TBC1D8: variants seen among roughly 807,000 people sequenced by gnomAD.
The protein encoded by TBC1D8 is BUB2-like protein 1.
In TBC1D8, 65 loss-of-function variants were observed where a neutral mutation model predicts 118.8. The ratio of observed to expected loss-of-function variants is 0.55; its 90% CI spans 0.45 to 0.67. The LOEUF is 0.67. Among genes scored for constraint, TBC1D8 ranks in the 30% least tolerant of loss-of-function variants. The pLI is 0.00. For synonymous variants in TBC1D8, 566 were observed against 595.8 expected (o/e 0.95, Z 0.73); for missense variants, 1,376 against 1,471.2 (o/e 0.94, Z 1.06).
rs187234561 is a variant in TBC1D8 at position 101,023,269 on chromosome 2, C to T, written c.2521-748G>A. Among the ~76,000 whole-genome samples the T allele has an allele frequency of 1.4e-3, 216 of 151,936 alleles. 1 individual carries two copies. The highest frequency in any genetic ancestry group is 5.0e-3 in the African/African-American group (206 of 41,510). On this transcript the variant is annotated intron_variant, in intron 15 of 19. Transcript: ENST00000409318. ...AAACCAGTCTCATGCCTCAGCCTCC[C>T]GAGTAGCTGGGATTACAGGTGCCCG...
At chr2:101,076,014 G>C (rs910483073) in intron 2 of TBC1D8, among the ~76,000 whole-genome samples, 3 of 152,102 alleles carry the variant, frequency 2.0e-5, no homozygotes, top group African/African-American at 7.2e-5. Context: ...AAGGGAGAGA[G>C]AAAAAGAAAA....
intron 5 of TBC1D8, among the ~76,000 whole-genome samples, chr2:101,048,884 T>C (rs1020003419): frequency 6.6e-6 from 1 of 152,240 alleles, no homozygotes; most frequent in Non-Finnish European, 1.5e-5. Context: ...TCACAACTTA[T>C]TTCACTCAAT....
At chr2:101,048,679 C>T (rs1681858712) in intron 5 of TBC1D8, among the ~76,000 whole-genome samples, 1 of 151,980 alleles carries the variant, frequency 6.6e-6, no homozygotes, top group Non-Finnish European at 1.5e-5. Flanking sequence ...GACACTCTCT[C>T]CCCCACACAT....
In TBC1D8 at chr2:101,067,431, G is replaced by A. The variant is rs979895413; in HGVS notation, c.284-7892C>T. ...ACAGGCATACCTTGGAGATAGTGTGGGTTTGGTTCTAGACCACCACGATAA... is the reference window on the plus strand; with the variant it reads ...ACAGGCATACCTTGGAGATAGTGTGAGTTTGGTTCTAGACCACCACGATAA... On this transcript the variant is annotated intron_variant, in intron 2 of 19. Coordinates refer to ENST00000409318, the MANE Select transcript of TBC1D8 (RefSeq NM_001330348.2). 2.0e-5 allele frequency among the ~76,000 whole-genome samples: 3 copies of A among 152,106 alleles called. 1 individual carries two copies. Among genetic ancestry groups the A allele is most frequent in the African/African-American group, 7.2e-5 (3 of 41,412 alleles).
chr2:101,055,995 C>T (rs1682400629), intron 3 of TBC1D8, among the ~76,000 whole-genome samples: 1 of 151,478 alleles, frequency 6.6e-6, no homozygotes, highest in Non-Finnish European at 1.5e-5. Context: ...TAAAAATACA[C>T]ACATATATAT....
rs139544922 is a variant in TBC1D8 at position 101,049,139 on chromosome 2, A to G, written c.872+1262T>C. 2.1e-3 allele frequency among the ~76,000 whole-genome samples: 327 copies of G among 152,336 alleles called. 3 individuals are homozygous for G. Among genetic ancestry groups the G allele is most frequent in the Middle Eastern group, 6.8e-3 (2 of 294 alleles). On this transcript the variant is annotated intron_variant, in intron 5 of 19. Transcript: ENST00000409318. ...ATACCCAGAAATGGAATTGCTGGAC[A>G]CTAGGATAATTCTGCTTTTAATTAC...
At chr2:101,104,499 C>T (rs1391594770) in intron 1 of TBC1D8, among the ~76,000 whole-genome samples, 2 of 152,164 alleles carry the variant, frequency 1.3e-5, no homozygotes, top group Non-Finnish European at 2.9e-5. Flanking sequence ...TGTGGTGGTA[C>T]TGGTAATAGA....
In TBC1D8 at chr2:101,120,647, A is replaced by C. The variant is rs527997651; in HGVS notation, c.128-30283T>G. Among the ~76,000 whole-genome samples, 4 of 152,372 alleles carry C rather than the reference A, an allele frequency of 2.6e-5. No homozygotes were observed. The South Asian group carries it at 8.3e-4, about 32-fold the overall frequency. ...TGTCATTCATCAAAAAGCTAAATGC[A>C]AAAGGATACAAGGCCCATGCAAAGA... is the stretch of plus-strand genomic sequence containing the variant. On this transcript the variant is annotated intron_variant, in intron 1 of 19. Transcript: ENST00000409318.
chr2:101,116,194 T>C (rs17025284), intron 1 of TBC1D8, among the ~76,000 whole-genome samples: 24,305 of 152,176 alleles, frequency 0.16, 2,058 homozygotes, highest in Middle Eastern at 0.28. Flanking sequence ...TATCTTAGTA[T>C]TTGACTGGTT....
Position 101,141,801 on chromosome 2 carries a change from G to A in TBC1D8, c.127+9326C>T, listed in dbSNP as rs181579223. ...ATACAGAAAAACCACACATGAAGGC[G>A]CGCACACACACACACACACACACAT... On this transcript the variant is annotated intron_variant, in intron 1 of 19. Transcript: ENST00000409318. Among the ~76,000 whole-genome samples the A allele has an allele frequency of 8.2e-5, 12 of 146,228 alleles. No homozygotes were observed. In the East Asian group the frequency reaches 1.0e-3, roughly 12 times the overall value.
intron 2 of TBC1D8, among the ~76,000 whole-genome samples, chr2:101,083,628 A>C (rs537300794): frequency 2.0e-5 from 3 of 152,308 alleles, no homozygotes; most frequent in South Asian, 4.2e-4. Flanking sequence ...ACTTAGAAAA[A>C]AAGGAAAAAA....
At chr2:101,130,337 C>A (rs1382411279) in intron 1 of TBC1D8, among the ~76,000 whole-genome samples, 4 of 152,186 alleles carry the variant, frequency 2.6e-5, no homozygotes, top group African/African-American at 9.7e-5. Flanking sequence ...GGTGCCCGCG[C>A]CCTGAGGCCC....
At chr2:101,061,795 G>A (rs115647604) in intron 2 of TBC1D8, among the ~76,000 whole-genome samples, 1,860 of 152,252 alleles carry the variant, frequency 0.012, 37 homozygotes, top group African/African-American at 0.043. Flanking sequence ...CTGCCATCTG[G>A]GAGGGCTCCT....
intron 2 of TBC1D8, among the ~76,000 whole-genome samples, chr2:101,085,518 G>A (rs1268579780): frequency 5.9e-5 from 9 of 152,108 alleles, no homozygotes; most frequent in South Asian, 2.1e-4. Context: ...CCCATAACAC[G>A]AGTTAAAGTC....
rs558276967 is a variant in TBC1D8 at position 101,109,893 on chromosome 2, C to G, written c.128-19529G>C. 23 of 985,518 alleles carry G rather than the reference C, an allele frequency of 2.3e-5. No homozygotes were observed. The African/African-American group carries it at 4.0e-4, about 17-fold the overall frequency. 61.0% of individuals were successfully genotyped at this position (985,518 alleles called of 1,614,324 possible). A position where few individuals can be genotyped will look rare whatever the true frequency, so the allele number is the denominator to read the frequency against. Reference sequence around the variant, plus strand: ...CTCCACAAGCCCAAACCGGCAAACTCTTTGCTGCATCTCCAGGAATGAGGC... The same window carrying G: ...CTCCACAAGCCCAAACCGGCAAACTGTTTGCTGCATCTCCAGGAATGAGGC... On this transcript the variant is annotated intron_variant, in intron 1 of 19. Transcript: ENST00000409318.
intron 1 of TBC1D8, among the ~76,000 whole-genome samples, chr2:101,134,353 A>C (rs1223270109): frequency 6.6e-6 from 1 of 152,170 alleles, no homozygotes; most frequent in Non-Finnish European, 1.5e-5. Context: ...GCTTTGCCTA[A>C]GTTAGAGTCT....
intron 12 of TBC1D8, among the ~76,000 whole-genome samples, chr2:101,028,845 C>T (rs1680505423): frequency 6.6e-6 from 1 of 152,216 alleles, no homozygotes; most frequent in African/African-American, 2.4e-5. Context: ...TGTCTGCAAC[C>T]TCTAGCTGGC....
chr2:101,139,079 C>G (rs938444794), intron 1 of TBC1D8, among the ~76,000 whole-genome samples: 1 of 152,060 alleles, frequency 6.6e-6, no homozygotes, highest in African/African-American at 2.4e-5. Flanking sequence ...GAGACAGATT[C>G]TTCCATGCAT....
At chr2:101,033,263 C>G (rs569907482) in intron 10 of TBC1D8, 2 of 433,596 alleles carry the variant, frequency 4.6e-6, no homozygotes, top group African/African-American at 2.0e-5. Context: ...ATTACAGGCA[C>G]GCGCCACCAT....
Sources: allele counts gnomAD v4.1 joint callset (sites outside exome capture counted in the v4.1 genomes callset), GRCh38; gene constraint gnomAD v4.1.1; transcripts MANE v1.5; gene names NCBI Gene and HGNC (gene_info 2026-07-23, HGNC 2026-07-21).